GRXCR1: variants seen among roughly 807,000 people sequenced by gnomAD.
GRXCR1 encodes the protein glutaredoxin domain-containing cysteine-rich protein 1.
In GRXCR1, 27 loss-of-function variants were observed where a neutral mutation model predicts 27.3. The observed-to-expected ratio is 0.99, with a 90% CI of 0.73 to 1.37. The LOEUF (loss-of-function observed/expected upper bound fraction) is 1.37, where lower values mean the gene tolerates loss of function less well. Among genes scored for constraint, GRXCR1 ranks in the 40% most tolerant of loss-of-function variants. GRXCR1 has a pLI of 0.00. For synonymous variants in GRXCR1, 122 were observed against 131.1 expected, an observed-to-expected ratio of 0.93 and a Z score of 0.47; for missense variants, 379 against 354.4, an observed-to-expected ratio of 1.07 and a Z score of -0.56.
intron 1 of GRXCR1, among the ~76,000 whole-genome samples, chr4:42,961,596 C>A (rs1465981330): frequency 6.6e-6 from 1 of 152,050 alleles, no homozygotes; most frequent in Non-Finnish European, 1.5e-5. Flanking sequence ...CCTGCTTCAG[C>A]ATTTATGATA....
rs577521620 is a variant in GRXCR1, at chr4:42,963,009, G to A, written c.502G>A (p.Val168Ile). ...LVRKIFQNHR[V>I]KFEEKNIALN... is the part of the protein sequence containing the mutation. The stretch of plus-strand genomic sequence containing the variant: ...TAGAAAGATTTTCCAAAACCATCGC[G>A]TAAAATTTGAAGAGAAAAACATAGC... The change falls in exon 2 of 4, where the codon GTA (valine) becomes ATA (isoleucine). Residue 168 changes from valine to isoleucine, a missense_variant. By Grantham distance (29) the Val-to-Ile change is conservative. Coordinates refer to ENST00000399770, the MANE Select transcript of GRXCR1 (RefSeq NM_001080476.3). 1.1e-5 allele frequency: 18 copies of A among 1,612,860 alleles called. No individual in the cohort carries two copies. The highest frequency in any genetic ancestry group is 6.7e-5 in the African/African-American group (5 of 74,906).
chr4:42,998,143 A>G (rs1412011839), intron 2 of GRXCR1, among the ~76,000 whole-genome samples: 3 of 152,154 alleles, frequency 2.0e-5, no homozygotes, highest in Non-Finnish European at 4.4e-5. Context: ...CACAGCCAAC[A>G]TTTCACAGCC....
chr4:42,900,967 T>A (rs1746447524), intron 1 of GRXCR1, among the ~76,000 whole-genome samples: 1 of 152,144 alleles, frequency 6.6e-6, no homozygotes, highest in East Asian at 1.9e-4. Context: ...ATGAGTACCT[T>A]CCTTTGACAG....
chr4:42,954,917 G>A (rs1747963436), intron 1 of GRXCR1, among the ~76,000 whole-genome samples: 1 of 152,146 alleles, frequency 6.6e-6, no homozygotes, highest in African/African-American at 2.4e-5. Flanking sequence ...TGATTTGAGA[G>A]CAAGGTGGGC....
chr4:42,896,846 T>A (rs1408409861), intron 1 of GRXCR1, among the ~76,000 whole-genome samples: 1 of 152,146 alleles, frequency 6.6e-6, no homozygotes, highest in Non-Finnish European at 1.5e-5. Context: ...CAGGTTAGAT[T>A]ATCAGAAAAA....
intron 1 of GRXCR1, among the ~76,000 whole-genome samples, chr4:42,896,034 T>C (rs1746339808): frequency 6.6e-6 from 1 of 152,128 alleles, no homozygotes; most frequent in South Asian, 2.1e-4. Flanking sequence ...CAAGGAACTG[T>C]GATTGAAGAA....
chr4:43,018,828 T>C (rs571879178), intron 2 of GRXCR1, among the ~76,000 whole-genome samples: 1 of 152,206 alleles, frequency 6.6e-6, no homozygotes, highest in African/African-American at 2.4e-5. Context: ...TAGGCTTTAA[T>C]GTGTTGTCAT....
intron 1 of GRXCR1, among the ~76,000 whole-genome samples, chr4:42,936,009 T>C (rs1412293219): frequency 6.6e-6 from 1 of 151,922 alleles, no homozygotes; most frequent in East Asian, 1.9e-4. Flanking sequence ...CTTGTTGGCA[T>C]TTGTCACTTT....
chr4:43,016,030 C>G (rs1712921932), intron 2 of GRXCR1, among the ~76,000 whole-genome samples: 1 of 152,088 alleles, frequency 6.6e-6, no homozygotes, highest in Admixed American at 6.6e-5. Context: ...TGATTGTTTT[C>G]TTTTTTGATA....
chr4:42,994,390 A>G (rs905927251), intron 2 of GRXCR1, among the ~76,000 whole-genome samples: 1 of 152,148 alleles, frequency 6.6e-6, no homozygotes, highest in African/African-American at 2.4e-5. Flanking sequence ...GAACATCAAC[A>G]CTTTTATGCA....
intron 2 of GRXCR1, among the ~76,000 whole-genome samples, chr4:42,975,894 C>G (rs540773842): frequency 6.0e-4 from 92 of 152,202 alleles, no homozygotes; most frequent in African/African-American, 2.2e-3. Flanking sequence ...ATTTTCATTC[C>G]ATAAACTTAG....
chr4:42,936,323 A>C (rs1196399605), intron 1 of GRXCR1, among the ~76,000 whole-genome samples: 1 of 151,954 alleles, frequency 6.6e-6, no homozygotes, highest in African/African-American at 2.4e-5. Context: ...ATTTTAATTA[A>C]TAATCTGAGT....
intron 2 of GRXCR1, among the ~76,000 whole-genome samples, chr4:42,984,862 G>C (rs907485748): frequency 3.1e-4 from 47 of 152,144 alleles, no homozygotes; most frequent in African/African-American, 9.7e-4. Flanking sequence ...TGGGACTGTG[G>C]GACCCTGCCT....
chr4:42,953,384 AC>A (rs1747927549), intron 1 of GRXCR1, among the ~76,000 whole-genome samples: 1 of 152,114 alleles, frequency 6.6e-6, no homozygotes, highest in African/African-American at 2.4e-5. Context: ...TACCCTTTGA[AC>A]CTGACACCAT....
chr4:42,907,515 G>A (rs186530064), intron 1 of GRXCR1, among the ~76,000 whole-genome samples: 1 of 152,214 alleles, frequency 6.6e-6, no homozygotes, highest in East Asian at 1.9e-4. Context: ...TGTATTTTCA[G>A]TCCCTGTAGA....
At chr4:42,992,910 AC>A (rs1283877721) in intron 2 of GRXCR1, among the ~76,000 whole-genome samples, 2 of 152,068 alleles carry the variant, frequency 1.3e-5, no homozygotes, top group Admixed American at 1.3e-4. Context: ...ATTACTTCTT[AC>A]ATTTCATTGT....
chr4:42,929,421 G>A (rs1048677963), intron 1 of GRXCR1, among the ~76,000 whole-genome samples: 5 of 151,980 alleles, frequency 3.3e-5, no homozygotes, highest in Non-Finnish European at 7.4e-5. Context: ...AGATGTCATG[G>A]AGGCTTCTCA....
chr4:43,027,484 T>C (rs1713293295), intron 3 of GRXCR1, among the ~76,000 whole-genome samples: 1 of 152,218 alleles, frequency 6.6e-6, no homozygotes, highest in African/African-American at 2.4e-5. Context: ...AAGTAATATT[T>C]GTAAGTGATG....
chr4:42,901,352 C>A (rs1430466695), intron 1 of GRXCR1, among the ~76,000 whole-genome samples: 1 of 152,168 alleles, frequency 6.6e-6, no homozygotes, highest in Middle Eastern at 3.2e-3. Flanking sequence ...GGACCAAAAT[C>A]AAAGTTTTGG....
Sources: gnomAD v4.1 joint callset for allele counts (sites outside exome capture counted in the v4.1 genomes callset) on GRCh38, gnomAD v4.1.1 for gene constraint, MANE v1.5 for transcripts, NCBI Gene and HGNC (gene_info 2026-07-23, HGNC 2026-07-21) for gene names.